Variants in PRKN observed in about 807,000 individuals in gnomAD.
The protein encoded by PRKN is parkin RBR E3 ubiquitin protein ligase, also known as E3 ubiquitin-protein ligase parkin.
PRKN carries 56 observed loss-of-function variants against 59.5 expected under a neutral mutation model. The ratio of observed to expected loss-of-function variants is 0.94; its 90% CI spans 0.76 to 1.18. The LOEUF is 1.18. Ranked by LOEUF, PRKN falls within the 50% of genes most tolerant of loss-of-function variation. The pLI is 0.00. For synonymous variants in PRKN, 250 were observed against 222.1 expected (o/e 1.13, Z -1.12); for missense variants, 657 against 596.4 (o/e 1.10, Z -1.06).
chr6:162,519,777 T>G (rs1583713840), intron 1 of PRKN, among the ~76,000 whole-genome samples: 1 of 152,164 alleles, frequency 6.6e-6, no homozygotes, highest in East Asian at 1.9e-4. Flanking sequence ...ACTGTCTTCC[T>G]TGGGTAAGAA....
At chr6:162,000,316 A>G (rs1257042754) in intron 5 of PRKN, among the ~76,000 whole-genome samples, 1 of 152,100 alleles carries the variant, frequency 6.6e-6, no homozygotes. Flanking sequence ...TGGTGGTGTC[A>G]GTGTCCTGGA....
At chr6:162,008,149 T>C (rs1403226071) in intron 5 of PRKN, among the ~76,000 whole-genome samples, 1 of 152,198 alleles carries the variant, frequency 6.6e-6, no homozygotes, top group Non-Finnish European at 1.5e-5. Flanking sequence ...AAGTTTACTA[T>C]GAAAATTCCT....
chr6:161,741,119 A>G (rs2128191132), intron 7 of PRKN, among the ~76,000 whole-genome samples: 1 of 152,240 alleles, frequency 6.6e-6, no homozygotes, highest in East Asian at 1.9e-4. Flanking sequence ...TCCTGGGTTC[A>G]CGCTGAGTCC....
intron 4 of PRKN, among the ~76,000 whole-genome samples, chr6:162,145,704 T>G (rs1562539796): frequency 6.6e-6 from 1 of 152,156 alleles, no homozygotes; most frequent in Non-Finnish European, 1.5e-5. Flanking sequence ...ATTGGCCACT[T>G]GGTGGACATC....
chr6:162,189,794 T>A (rs1163480786), intron 4 of PRKN, among the ~76,000 whole-genome samples: 1 of 152,102 alleles, frequency 6.6e-6, no homozygotes, highest in African/African-American at 2.4e-5. Flanking sequence ...TAAAGTACTT[T>A]AAATAAAAAT....
At position 161,377,313 on chromosome 6, in the gene PRKN, C is replaced by T. The variant is rs1318196261; in HGVS notation, c.1167+9481G>A. 3.3e-5 allele frequency among the ~76,000 whole-genome samples: 5 copies of T among 152,338 alleles called. No homozygotes were observed. The highest frequency in any genetic ancestry group is 1.9e-4 in the East Asian group (1 of 5,170). ...CCCAAGCAGGCCCACGGGGCGTGAG[C>T]GAGCTGCACAAGCAGGTCCTCAGAC... is the stretch of plus-strand genomic sequence containing the variant. On this transcript the variant is annotated intron_variant, in intron 10 of 11. Transcript: ENST00000366898. The surrounding 1 kb of genome is among the most constrained non-coding windows in gnomAD (Gnocchi z 4.2).
chr6:162,337,715 T>A (rs2128126771), intron 2 of PRKN, among the ~76,000 whole-genome samples: 2 of 152,140 alleles, frequency 1.3e-5, no homozygotes, highest in Admixed American at 1.3e-4. Flanking sequence ...GACACCTGGG[T>A]CTAATAACAG....
At chr6:161,618,524 G>A (rs1277955595) in intron 7 of PRKN, among the ~76,000 whole-genome samples, 4 of 151,908 alleles carry the variant, frequency 2.6e-5, no homozygotes, top group African/African-American at 9.7e-5. Context: ...TAAACTAAAG[G>A]TTTATTCTCA....
intron 5 of PRKN, among the ~76,000 whole-genome samples, chr6:162,042,082 C>A (rs1367218529): frequency 6.6e-6 from 1 of 151,806 alleles, no homozygotes; most frequent in African/African-American, 2.4e-5. Flanking sequence ...CTGTAATGAA[C>A]CTCACAATGC....
intron 1 of PRKN, among the ~76,000 whole-genome samples, chr6:162,707,335 T>C (rs1191995595): frequency 2.6e-5 from 4 of 152,210 alleles, no homozygotes; most frequent in South Asian, 2.1e-4. Flanking sequence ...TTTACACTTG[T>C]ACTATTGCTA....
chr6:161,978,008 A>T (rs1241532532), intron 5 of PRKN, among the ~76,000 whole-genome samples: 1 of 145,484 alleles, frequency 6.9e-6, no homozygotes, highest in African/African-American at 2.7e-5. Flanking sequence ...ATTTGCAGTT[A>T]TTTTATTGTA....
At position 161,743,213 on chromosome 6, in the gene PRKN, C is replaced by CT. The variant is rs768890758; in HGVS notation, c.871+42558dup. On this transcript the variant is annotated intron_variant, in intron 7 of 11. Transcript: ENST00000366898. ...CTTGCCTGTCTATACTGGTTTCTAC[C>CT]TTTTTTTTTTTTTTTTTTTTTTTTT... Among the ~76,000 whole-genome samples, 306 of 84,572 alleles carry CT rather than the reference C, an allele frequency of 3.6e-3. 16 individuals are homozygous for CT. Among genetic ancestry groups the CT allele is most frequent in the Non-Finnish European group, 3.9e-3 (177 of 45,740 alleles). 55.5% of individuals were successfully genotyped at this position (84,572 alleles called of 152,430 possible). A position where few individuals can be genotyped will look rare whatever the true frequency, so the allele number is the denominator to read the frequency against.
intron 1 of PRKN, among the ~76,000 whole-genome samples, chr6:162,558,482 A>G (rs570208765): frequency 6.6e-6 from 1 of 151,936 alleles, no homozygotes; most frequent in Non-Finnish European, 1.5e-5. Flanking sequence ...GGCATGCGCC[A>G]CCACACCTGG....
chr6:162,247,056 T>C lies in PRKN; in HGVS notation c.412+15469A>G, dbSNP rs986892578. 5.9e-5 allele frequency among the ~76,000 whole-genome samples: 9 copies of C among 152,020 alleles called. No homozygotes were observed. In the East Asian group the frequency reaches 1.7e-3, roughly 29 times the overall value. On this transcript the variant is annotated intron_variant, in intron 3 of 11. Coordinates refer to ENST00000366898, the MANE Select transcript of PRKN (RefSeq NM_004562.3). ...CTATATTTTTGAGTCACATTAATTG[T>C]TTTAGTTTTGCTACTTTAGGAGCCT... is the stretch of plus-strand genomic sequence containing the variant.
chr6:162,266,190 C>T (rs75375879), intron 2 of PRKN, among the ~76,000 whole-genome samples: 8,477 of 152,060 alleles, frequency 0.056, 268 homozygotes, highest in Non-Finnish European at 0.065. Context: ...TCCTGTGATC[C>T]TCCTAGAGAA....
intron 9 of PRKN, among the ~76,000 whole-genome samples, chr6:161,406,515 G>T (rs1334459740): frequency 6.6e-6 from 1 of 152,008 alleles, no homozygotes; most frequent in East Asian, 1.9e-4. Flanking sequence ...TCTTTGAATG[G>T]TACCCTAAGT....
chr6:161,640,259 G>C (rs1425579052), intron 7 of PRKN, among the ~76,000 whole-genome samples: 1 of 152,128 alleles, frequency 6.6e-6, no homozygotes, highest in Non-Finnish European at 1.5e-5. Context: ...AGCAAGACTT[G>C]TTTCACATAA....
At chr6:161,666,535 T>C (rs1784733386) in intron 7 of PRKN, among the ~76,000 whole-genome samples, 1 of 152,072 alleles carries the variant, frequency 6.6e-6, no homozygotes, top group Admixed American at 6.5e-5. Context: ...CTTCCAACAC[T>C]CACACATAGC....
At chr6:161,688,293 GGAA>G (rs1448661917) in intron 7 of PRKN, among the ~76,000 whole-genome samples, 2 of 152,122 alleles carry the variant, frequency 1.3e-5, no homozygotes, top group African/African-American at 4.8e-5. Flanking sequence ...TGGCTGTTCC[GGAA>G]GAAGTGGCAG....
Sources: allele counts gnomAD v4.1 joint callset (sites outside exome capture counted in the v4.1 genomes callset), GRCh38; gene constraint gnomAD v4.1.1; non-coding constraint Gnocchi (gnomAD v3.1); transcripts MANE v1.5; gene names NCBI Gene and HGNC (gene_info 2026-07-23, HGNC 2026-07-21).